The following NETO2 variants were observed in gnomAD, a reference collection of about 807,000 sequenced individuals.
NETO2 encodes neuropilin and tolloid-like protein 2.
A neutral mutation model predicts 62.5 loss-of-function variants in NETO2; 28 were observed. The observed-to-expected ratio is 0.45, with a 90% confidence interval of 0.33 to 0.61. The LOEUF (loss-of-function observed/expected upper bound fraction) is 0.61. Among genes scored for constraint, NETO2 ranks in the 20% least tolerant of loss-of-function variants. The probability of loss-of-function intolerance (pLI) is 0.02; values close to 1 mark genes in which losing one functional copy is unlikely to be tolerated. For missense variants in NETO2, 548 were observed against 643.2 expected, an observed-to-expected ratio of 0.85 and a Z score of 1.60; for synonymous variants, 214 against 219.1, an observed-to-expected ratio of 0.98 and a Z score of 0.21.
chr16:47,106,933 T>A (rs958727039), intron 7 of NETO2, among the ~76,000 whole-genome samples: 10 of 151,964 alleles, frequency 6.6e-5, no homozygotes, highest in African/African-American at 2.4e-5. Context: ...AGGCGCGTGC[T>A]ACCATGCCCC....
intron 7 of NETO2, among the ~76,000 whole-genome samples, chr16:47,099,639 A>C (rs939062278): frequency 3.3e-5 from 5 of 152,214 alleles, no homozygotes; most frequent in African/African-American, 1.2e-4. Context: ...ATGGCAAGAA[A>C]AAAAAAAGCA....
chr16:47,128,245 AT>A, intron 4 of NETO2, 79 bp downstream of exon 4: 1 of 1,489,276 alleles, frequency 6.7e-7, no homozygotes, highest in Non-Finnish European at 9.0e-7. Context: ...GACCAAATTA[AT>A]CTCTTTTCTA....
chr16:47,086,469 T>C (rs984513059), intron 7 of NETO2, 130 bp from the exon 8 acceptor site: 1 of 621,856 alleles, frequency 1.6e-6, no homozygotes, highest in Non-Finnish European at 2.8e-6. Flanking sequence ...CTCTGTACTA[T>C]TCAAACAATA....
intron 3 of NETO2, 38 bp from the exon 4 acceptor site, chr16:47,128,611 CAA>C: frequency 6.3e-7 from 1 of 1,588,870 alleles, no homozygotes; most frequent in Non-Finnish European, 8.5e-7. Flanking sequence ...ACAACACAAA[CAA>C]GAAAGAATAT....
chr16:47,115,594 C>G (rs932882625), intron 6 of NETO2, among the ~76,000 whole-genome samples: 1 of 150,004 alleles, frequency 6.7e-6, no homozygotes, highest in Admixed American at 6.6e-5. Context: ...GTGGTGCGCT[C>G]TTGGCTCACT....
chr16:47,129,733 A>G (rs1465843398), intron 2 of NETO2, among the ~76,000 whole-genome samples: 1 of 152,260 alleles, frequency 6.6e-6, no homozygotes. Flanking sequence ...ACTTAGTTTA[A>G]CACAACAGTA....
intron 4 of NETO2, 55 bp downstream of exon 4, chr16:47,128,270 A>G: frequency 6.4e-7 from 1 of 1,551,450 alleles, no homozygotes; most frequent in Non-Finnish European, 8.7e-7. Flanking sequence ...TTAAGATTCT[A>G]AAATCAGAGT....
intron 4 of NETO2, among the ~76,000 whole-genome samples, chr16:47,125,297 T>C (rs1019981471): frequency 6.6e-6 from 1 of 152,012 alleles, no homozygotes; most frequent in African/African-American, 2.4e-5. Context: ...CAGGATATCC[T>C]GTCTTTCTTT....
In NETO2 at chr16:47,143,925, C is replaced by A. The variant is rs1171290094; in HGVS notation, c.-313G>T. 1 of 175,894 alleles carries A rather than the reference C, an allele frequency of 5.7e-6. No individual in the cohort carries two copies. Among genetic ancestry groups the A allele is most frequent in the South Asian group, 2.0e-4 (1 of 5,126 alleles). The allele number at this position is 175,894 out of a possible 1,614,324, so 10.9% of individuals were successfully genotyped here. A position where few individuals can be genotyped will look rare whatever the true frequency, so the allele number is the denominator to read the frequency against. ...CGGCAGGCAGCTCCGCCCGCGGCCCCGGCGCGGGATCCACTGAAGTGGCGG... is the reference window on the plus strand; with the variant it reads ...CGGCAGGCAGCTCCGCCCGCGGCCCAGGCGCGGGATCCACTGAAGTGGCGG... On this transcript the variant is annotated 5_prime_UTR_variant, in exon 1 of 9. Transcript: ENST00000562435.
chr16:47,107,691 T>C (rs925242074), intron 7 of NETO2, among the ~76,000 whole-genome samples: 2 of 152,148 alleles, frequency 1.3e-5, no homozygotes, highest in African/African-American at 4.8e-5. Flanking sequence ...ATTCGGTATG[T>C]TGAGAGGACA....
At chr16:47,120,212 CTCT>C (rs1442299709) in intron 6 of NETO2, among the ~76,000 whole-genome samples, 1 of 152,068 alleles carries the variant, frequency 6.6e-6, no homozygotes, top group Non-Finnish European at 1.5e-5. Flanking sequence ...GTTACATCAG[CTCT>C]TTTTTGACAT....
chr16:47,108,136 A>G (rs1436968541), intron 7 of NETO2, among the ~76,000 whole-genome samples: 1 of 152,156 alleles, frequency 6.6e-6, no homozygotes, highest in Non-Finnish European at 1.5e-5. Context: ...ATGAGCCCAT[A>G]CTGATGTAAT....
rs1964330015 is a variant in NETO2 at position 47,134,454 on chromosome 16, G to C, written c.35-2429C>G. Among the ~76,000 whole-genome samples, 2 of 152,232 alleles carry C rather than the reference G, an allele frequency of 1.3e-5. 1 individual carries two copies. The highest frequency in any genetic ancestry group is 6.8e-3 in the Middle Eastern group (2 of 294). On this transcript the variant is annotated intron_variant, in intron 1 of 8. Transcript: ENST00000562435. ...TTTTGAAACATTTTTTAATACAGAA[G>C]ATTTATGATCAAAAAGAAAAGTCAG... is the stretch of plus-strand genomic sequence containing the variant.
intron 7 of NETO2, among the ~76,000 whole-genome samples, chr16:47,097,930 G>A (rs1963462526): frequency 6.6e-6 from 1 of 152,156 alleles, no homozygotes; most frequent in South Asian, 2.1e-4. Context: ...TGCCGCAGAG[G>A]GGCCTGACTG....
intron 1 of NETO2, among the ~76,000 whole-genome samples, chr16:47,143,291 C>G (rs1309028198): frequency 5.9e-5 from 9 of 152,038 alleles, no homozygotes; most frequent in Admixed American, 5.9e-4. Flanking sequence ...GAGGGCCCTG[C>G]TGGGCCCAGG....
chr16:47,128,283 G>C (rs1305633068), intron 4 of NETO2, 42 bp downstream of exon 4: 2 of 1,584,882 alleles, frequency 1.3e-6, no homozygotes, highest in Middle Eastern at 1.7e-4. Context: ...ATCAGAGTTA[G>C]AGTGAGATGC....
chr16:47,109,435 G>T, intron 7 of NETO2, 48 bp downstream of exon 7: 1 of 1,414,922 alleles, frequency 7.1e-7, no homozygotes, highest in Non-Finnish European at 9.9e-7. Context: ...CTGTGAATGA[G>T]TGAAAAATAT....
At position 47,083,140 on chromosome 16, in the gene NETO2, G is replaced by A; in HGVS notation, c.*81C>T. On this transcript the variant is annotated 3_prime_UTR_variant, in exon 9 of 9. Coordinates refer to ENST00000562435, the MANE Select transcript of NETO2 (RefSeq NM_018092.5). ...TTCGTAGTTGTGATGGGAGAAAAGG[G>A]TTGGCTGCTGGAAACAGTATGGTGC... 4.0e-6 allele frequency: 5 copies of A among 1,258,050 alleles called. No homozygotes were observed. The highest frequency in any genetic ancestry group is 5.6e-6 in the Non-Finnish European group (5 of 897,352). 77.9% of individuals were successfully genotyped at this position (1,258,050 alleles called of 1,614,324 possible). A position where few individuals can be genotyped will look rare whatever the true frequency, so the allele number is the denominator to read the frequency against.
intron 4 of NETO2, among the ~76,000 whole-genome samples, chr16:47,124,037 T>C (rs1266433064): frequency 6.6e-6 from 1 of 152,214 alleles, no homozygotes; most frequent in Non-Finnish European, 1.5e-5. Context: ...TGTGTACAAC[T>C]AGAGACTCAA....
Sources: allele counts gnomAD v4.1 joint callset (sites outside exome capture counted in the v4.1 genomes callset), GRCh38; gene constraint gnomAD v4.1.1; transcripts MANE v1.5; gene names NCBI Gene and HGNC (gene_info 2026-07-23, HGNC 2026-07-21).